The following MYO18B variants were observed in gnomAD, a reference collection of about 807,000 sequenced individuals.
MYO18B encodes unconventional myosin-XVIIIb.
A neutral mutation model predicts 273.0 loss-of-function variants in MYO18B; 204 were observed. That is an observed-to-expected ratio of 0.75 (90% confidence interval 0.67 to 0.84). The LOEUF (loss-of-function observed/expected upper bound fraction) is 0.84, where lower values mean the gene tolerates loss of function less well. Ranked by LOEUF, MYO18B falls within the 40% of genes least tolerant of loss-of-function variation. The pLI, the probability that MYO18B is intolerant of heterozygous loss-of-function variation, is 0.00. For missense variants in MYO18B, 3,212 were observed against 3,287.6 expected (o/e 0.98, Z 0.56); for synonymous variants, 1,330 against 1,305.7 (o/e 1.02, Z -0.40).
At chr22:25,751,629 C>T (rs1469932629) in intron 1 of MYO18B, among the ~76,000 whole-genome samples, 2 of 152,178 alleles carry the variant, frequency 1.3e-5, no homozygotes, top group African/African-American at 2.4e-5. Context: ...ACAAGTGTCT[C>T]GACCTCTCTG....
intron 10 of MYO18B, among the ~76,000 whole-genome samples, chr22:25,782,885 TG>T (rs1200032411): frequency 6.6e-6 from 1 of 151,778 alleles, no homozygotes; most frequent in Non-Finnish European, 1.5e-5. Context: ...GAACTTGGAG[TG>T]GGGTGGTATA....
chr22:25,747,307 C>A (rs1230979073), intron 1 of MYO18B, among the ~76,000 whole-genome samples: 2 of 152,216 alleles, frequency 1.3e-5, no homozygotes, highest in Non-Finnish European at 2.9e-5. Context: ...CATTCCTATA[C>A]CCGTGCCAGA....
chr22:26,028,685 G>A (rs1936467042), intron 43 of MYO18B: 1 of 152,064 alleles, frequency 6.6e-6, no homozygotes, highest in Non-Finnish European at 1.5e-5. Context: ...ACGAGGTCAG[G>A]AGATCGAGAC....
At chr22:25,840,637 T>G (rs998576819) in intron 17 of MYO18B, among the ~76,000 whole-genome samples, 5 of 152,230 alleles carry the variant, frequency 3.3e-5, no homozygotes, top group African/African-American at 4.8e-5. Flanking sequence ...GATGAATATG[T>G]GAAAACTCAG....
chr22:25,850,682 A>C (rs2090399404), intron 20 of MYO18B, among the ~76,000 whole-genome samples: 1 of 152,022 alleles, frequency 6.6e-6, no homozygotes, highest in Non-Finnish European at 1.5e-5. Context: ...GGCTCAAGTA[A>C]TTCTCCCACC....
chr22:25,917,330 A>G (rs1266831360), intron 33 of MYO18B, among the ~76,000 whole-genome samples: 1 of 152,074 alleles, frequency 6.6e-6, no homozygotes, highest in Non-Finnish European at 1.5e-5. Context: ...GTTTGTTAAC[A>G]GTTCTGTCAT....
chr22:25,960,459 T>G (rs147658301), intron 39 of MYO18B, among the ~76,000 whole-genome samples: 7 of 152,122 alleles, frequency 4.6e-5, no homozygotes, highest in South Asian at 2.1e-4. Flanking sequence ...TTGGGTTTTA[T>G]CCCTCATCAC....
At chr22:25,812,900 C>T (rs1401341946) in intron 12 of MYO18B, among the ~76,000 whole-genome samples, 1 of 152,170 alleles carries the variant, frequency 6.6e-6, no homozygotes, top group Non-Finnish European at 1.5e-5. Flanking sequence ...ATCATGGTCA[C>T]CTGACTCCTG....
chr22:25,828,917 G>A lies in MYO18B; in HGVS notation c.2928G>A (p.Gln976=). The change falls in exon 15 of 44, where the codon CAG becomes CAA. Residue 976 remains glutamine (Q), a synonymous_variant. Coordinates refer to ENST00000335473, the MANE Select transcript of MYO18B (RefSeq NM_032608.7). ...ACAACTACGCCCATGAGCGCCTGCA[G>A]CTGCTGTTCTACCAGCGGACCTTTG... ...LCHNYAHERL[Q]LLFYQRTFVS... 6.2e-7 allele frequency: 1 copy of A among 1,614,008 alleles called. No individual in the cohort carries two copies. Among genetic ancestry groups the A allele is most frequent in the Non-Finnish European group, 8.5e-7 (1 of 1,179,898 alleles).
chr22:26,001,981 A>C (rs1933998665), intron 40 of MYO18B, among the ~76,000 whole-genome samples: 1 of 152,326 alleles, frequency 6.6e-6, no homozygotes, highest in African/African-American at 2.4e-5. Flanking sequence ...AAGTACTCAA[A>C]ATGTAAGTGA....
chr22:25,917,673 C>T (rs2092283469), intron 33 of MYO18B, among the ~76,000 whole-genome samples: 3 of 150,772 alleles, frequency 2.0e-5, no homozygotes, highest in Admixed American at 6.6e-5. Flanking sequence ...AATTTATTTA[C>T]ATTTGTTATA....
chr22:25,932,731 G>T (rs1269151444), intron 34 of MYO18B, among the ~76,000 whole-genome samples: 2 of 152,010 alleles, frequency 1.3e-5, no homozygotes, highest in Non-Finnish European at 2.9e-5. Context: ...TCTAATCCAG[G>T]AGTTGGCAAA....
intron 8 of MYO18B, among the ~76,000 whole-genome samples, chr22:25,778,442 C>G (rs753045248): frequency 4.6e-5 from 7 of 151,916 alleles, no homozygotes; most frequent in Non-Finnish European, 7.4e-5. Flanking sequence ...CTTGCTGAAG[C>G]CTAATGTACC....
chr22:25,838,452 G>A (rs1400897324), intron 17 of MYO18B, among the ~76,000 whole-genome samples: 2 of 152,074 alleles, frequency 1.3e-5, no homozygotes, highest in African/African-American at 4.8e-5. Flanking sequence ...CACCCGCCTC[G>A]GCCTCCCAAA....
At chr22:25,790,659 C>T (rs144918336) in intron 11 of MYO18B, among the ~76,000 whole-genome samples, 2 of 152,364 alleles carry the variant, frequency 1.3e-5, no homozygotes, top group African/African-American at 4.8e-5. Context: ...GCCCAACTCA[C>T]CACCACTTAA....
rs115275997 is a variant in MYO18B, at chr22:25,764,267, A to G, written c.198+878A>G. ...TGTAAACTTGTCGCTGGTGGTGGCC[A>G]GTGCTATTTCTCTCTTGTCCTCTTT... On this transcript the variant is annotated intron_variant, in intron 3 of 43. Transcript: ENST00000335473. Among the ~76,000 whole-genome samples the G allele has an allele frequency of 7.2e-3, 1,098 of 152,342 alleles. 16 individuals are homozygous for G. Among genetic ancestry groups the G allele is most frequent in the South Asian group, 0.028 (134 of 4,822 alleles).
At chr22:25,751,091 C>T (rs935925513) in intron 1 of MYO18B, among the ~76,000 whole-genome samples, 2 of 152,226 alleles carry the variant, frequency 1.3e-5, no homozygotes, top group Non-Finnish European at 2.9e-5. Context: ...GAGAATCCAC[C>T]TCTTCGGATG....
intron 21 of MYO18B, among the ~76,000 whole-genome samples, chr22:25,853,345 G>A (rs5761278): frequency 0.023 from 3,522 of 152,312 alleles, 106 homozygotes; most frequent in East Asian, 0.11. Flanking sequence ...TCTTTGCAGT[G>A]GGTACCAGGG....
Position 25,832,972 on chromosome 22 carries a change from C to T in MYO18B, c.3035C>T (p.Ala1012Val), listed in dbSNP as rs2089766932. ...LPDPSPGTTV[A>V]VVDQNPSQVR... ...GACCCCTCCCCAGGGACCACCGTGGCTGTTGTGGATCAAAATCCCTCTCAG... is the reference window on the plus strand; with the variant it reads ...GACCCCTCCCCAGGGACCACCGTGGTTGTTGTGGATCAAAATCCCTCTCAG... Residue 1012 changes from alanine (A) to valine (V), a missense_variant, in exon 16 of 44, where the codon GCT becomes GTT. Transcript: ENST00000335473. The T allele has an allele frequency of 2.9e-5, 46 of 1,613,746 alleles. No homozygotes were observed. The highest frequency in any genetic ancestry group is 3.7e-5 in the Non-Finnish European group (44 of 1,179,856).
Sources: allele counts gnomAD v4.1 joint callset (sites outside exome capture counted in the v4.1 genomes callset), GRCh38; gene constraint gnomAD v4.1.1; transcripts MANE v1.5; gene names NCBI Gene and HGNC (gene_info 2026-07-23, HGNC 2026-07-21).